The following ADAMTS7 variants were observed in gnomAD, a reference collection of about 807,000 sequenced individuals.
ADAMTS7 encodes A disintegrin and metalloproteinase with thrombospondin motifs 7.
A neutral mutation model predicts 172.6 loss-of-function variants in ADAMTS7; 89 were observed. The observed-to-expected ratio is 0.52, with a 90% confidence interval of 0.43 to 0.61. ADAMTS7 has a LOEUF of 0.61. Ranked by LOEUF, ADAMTS7 falls within the 20% of genes least tolerant of loss-of-function variation. The pLI is 0.00. For synonymous variants in ADAMTS7, 885 were observed against 978.4 expected, an observed-to-expected ratio of 0.90 and a Z score of 1.78; for missense variants, 1,973 against 2,355.6, an observed-to-expected ratio of 0.84 and a Z score of 3.36.
At chr15:78,797,912 A>G in intron 3 of ADAMTS7, 36 bp downstream of exon 3, 1 of 1,582,916 alleles carries the variant, frequency 6.3e-7, no homozygotes, top group East Asian at 2.3e-5. Context: ...CCCCAGGCCC[A>G]GCACCCACCC....
At chr15:78,776,516 G>A (rs149836673) in intron 10 of ADAMTS7, 183 bp from the exon 11 acceptor site, 24 of 971,072 alleles carry the variant, frequency 2.5e-5, no homozygotes, top group South Asian at 2.3e-4. Flanking sequence ...GGAGCTGAGC[G>A]GGGAGTAAAA....
rs113290017 is a variant in ADAMTS7, at chr15:78,786,167, T to G, written c.1322+2064A>C. Among the ~76,000 whole-genome samples, 1,085 of 151,898 alleles carry G rather than the reference T, an allele frequency of 7.1e-3. 13 individuals are homozygous for G. Among genetic ancestry groups the G allele is most frequent in the African/African-American group, 0.024 (1,015 of 41,448 alleles). On this transcript the variant is annotated intron_variant, in intron 8 of 23. Coordinates refer to ENST00000388820, the MANE Select transcript of ADAMTS7 (RefSeq NM_014272.5). ...CTTGTCTCGAACTCCTGACCTCAAG[T>G]GATCCACCTGCCTCAGCCTCCCAAA...
intron 11 of ADAMTS7, 61 bp downstream of exon 11, chr15:78,776,127 C>T (rs1162606654): frequency 4.6e-6 from 7 of 1,534,414 alleles, no homozygotes; most frequent in South Asian, 3.7e-5. Flanking sequence ...CTCCTGCAAT[C>T]GGCTGACTGT....
At position 78,798,091 on chromosome 15, in the gene ADAMTS7, T is replaced by C; in HGVS notation, c.479A>G (p.Asn160Ser). The C allele has an allele frequency of 6.4e-7, 1 of 1,559,970 alleles. No individual in the cohort carries two copies. Among genetic ancestry groups the C allele is most frequent in the South Asian group, 1.2e-5 (1 of 83,422 alleles). Residue 160 changes from asparagine to serine, a missense_variant, in exon 3 of 24, where the codon AAC becomes AGC. By Grantham distance (46) the Asn-to-Ser change is conservative. Transcript: ENST00000388820. ...CAGGGGCTCAATGAAGTAGTCCTCG[T>C]TGGAGAGCTGGAACACACCTTTCTG... Reference protein sequence around the residue: ...DGLKGVFQLSNEDYFIEPLDS... With the variant: ...DGLKGVFQLSSEDYFIEPLDS...
In ADAMTS7 at chr15:78,771,873, G is replaced by T. The variant is rs376009721; in HGVS notation, c.2132-44C>A. 11 of 1,584,884 alleles carry T rather than the reference G, an allele frequency of 6.9e-6. No homozygotes were observed. In the African/African-American group the frequency reaches 1.2e-4, roughly 17 times the overall value. On this transcript the variant is annotated intron_variant, in intron 14 of 23. Coordinates refer to ENST00000388820, the MANE Select transcript of ADAMTS7 (RefSeq NM_014272.5). The surrounding 1 kb of genome is among the most constrained non-coding windows in gnomAD (Gnocchi z 4.9). ...GCATAGGTTGTGCCCAGGGTGAGAG[G>T]GTTGCTTATCCCCACCCGCTCCCCT...
chr15:78,808,161 C>G (rs921165876), intron 1 of ADAMTS7, among the ~76,000 whole-genome samples: 2 of 152,128 alleles, frequency 1.3e-5, no homozygotes, highest in African/African-American at 4.8e-5. Flanking sequence ...TGGTCTAAAA[C>G]ATGTTTTTCA....
chr15:78,783,292 CAG>C (rs1213687157), intron 8 of ADAMTS7, among the ~76,000 whole-genome samples: 5 of 152,120 alleles, frequency 3.3e-5, no homozygotes, highest in South Asian at 4.1e-4. Context: ...TTTTTTGAGA[CAG>C]AGTCTCTCTC....
intron 4 of ADAMTS7, among the ~76,000 whole-genome samples, chr15:78,793,839 G>T (rs1385831776): frequency 1.3e-5 from 2 of 152,194 alleles, no homozygotes; most frequent in Non-Finnish European, 1.5e-5. Flanking sequence ...CAGGTTAAGG[G>T]GCACAGGGGA....
Position 78,771,506 on chromosome 15 carries a change from G to T in ADAMTS7, c.2376+79C>A. On this transcript the variant is annotated intron_variant, in intron 15 of 23. Coordinates refer to ENST00000388820, the MANE Select transcript of ADAMTS7 (RefSeq NM_014272.5). This position sits in a 1 kb window ranked among gnomAD's most constrained non-coding sequence, Gnocchi z 4.9. ...ACTGAACCAGGGCTCACTCCTCCAGGACGAGACCTGCCATGGAGGGTGCTG... is the reference window on the plus strand; with the variant it reads ...ACTGAACCAGGGCTCACTCCTCCAGTACGAGACCTGCCATGGAGGGTGCTG... The T allele has an allele frequency of 6.5e-7, 1 of 1,543,314 alleles. No homozygotes were observed.
At position 78,790,659 on chromosome 15, in the gene ADAMTS7, G is replaced by A. The variant is rs368200211; in HGVS notation, c.1028+11C>T. 2.8e-4 allele frequency: 456 copies of A among 1,613,014 alleles called. No homozygotes were observed. In the African/African-American group the frequency reaches 5.5e-3, roughly 19 times the overall value. The stretch of plus-strand genomic sequence containing the variant: ...GAGATGCAGGCTCCCACCCTCCTGC[G>A]GCTGCAGTACCTGGTGAGCAGGATG... On this transcript the variant is annotated intron_variant, in intron 6 of 23. Coordinates refer to ENST00000388820, the MANE Select transcript of ADAMTS7 (RefSeq NM_014272.5).
intron 8 of ADAMTS7, among the ~76,000 whole-genome samples, 191 bp from the exon 9 acceptor site, chr15:78,777,779 C>G (rs142800186): frequency 0.019 from 2,846 of 151,860 alleles, 61 homozygotes; most frequent in East Asian, 0.087. Flanking sequence ...CCCGGCCTCT[C>G]TCATCTCACC....
At chr15:78,762,221 A>G (rs2055056121) in intron 23 of ADAMTS7, 182 bp downstream of exon 23, 1 of 743,212 alleles carries the variant, frequency 1.3e-6, no homozygotes. Context: ...CTCCCAGCAC[A>G]GCCCAGCCTC....
chr15:78,771,235 G>C lies in ADAMTS7; in HGVS notation c.2445C>G (p.His815Gln). 6.2e-7 allele frequency: 1 copy of C among 1,612,124 alleles called. No homozygotes were observed. The highest frequency in any genetic ancestry group is 8.5e-7 in the Non-Finnish European group (1 of 1,179,644). Reference protein sequence around the residue: ...EYTIHREAGGHDEVPPPVFSW... With the variant: ...EYTIHREAGGQDEVPPPVFSW... Reference sequence around the variant, plus strand: ...AGAACACGGGCGGCGGGACCTCGTCGTGGCCACCTGCCTCCCTGTGGATGG... The same window carrying C: ...AGAACACGGGCGGCGGGACCTCGTCCTGGCCACCTGCCTCCCTGTGGATGG... The change falls in exon 16 of 24, where the codon CAC (histidine) becomes CAG (glutamine). Residue 815 changes from histidine (H) to glutamine (Q), a missense_variant. His to Gln is a conservative substitution (Grantham distance 24). Coordinates refer to ENST00000388820, the MANE Select transcript of ADAMTS7 (RefSeq NM_014272.5). The surrounding 1 kb of genome is among the most constrained non-coding windows in gnomAD (Gnocchi z 4.9).
At chr15:78,795,729 G>A (rs1214839333) in intron 4 of ADAMTS7, among the ~76,000 whole-genome samples, 2 of 152,224 alleles carry the variant, frequency 1.3e-5, no homozygotes, top group East Asian at 3.8e-4. Flanking sequence ...CCAACCAGGT[G>A]GCTGCTAAGA....
In ADAMTS7 at chr15:78,764,003, C is replaced by G; in HGVS notation, c.4516G>C (p.Gly1506Arg). ...RPLRPFHCQP[G>R]PAKPPAHRPC... is the part of the protein sequence containing the mutation. Reference sequence around the variant, plus strand: ...CGGTGCGCAGGCGGCTTGGCAGGCCCGGGCTGACAATGGAAGGGCCGCAGT... The same window carrying G: ...CGGTGCGCAGGCGGCTTGGCAGGCCGGGGCTGACAATGGAAGGGCCGCAGT... The change falls in exon 21 of 24, where the codon GGG becomes CGG. Residue 1506 changes from glycine to arginine, a missense_variant. By Grantham distance (125) the Gly-to-Arg change is moderately radical (BLOSUM62 -2). Around this residue, in one of 8 missense-constraint regions of ADAMTS7, gnomAD observed 218 missense variants for 216.9 expected, o/e 1.01. Coordinates refer to ENST00000388820, the MANE Select transcript of ADAMTS7 (RefSeq NM_014272.5). 1.3e-6 allele frequency: 2 copies of G among 1,543,644 alleles called. No homozygotes were observed. Among genetic ancestry groups the G allele is most frequent in the South Asian group, 1.2e-5 (1 of 82,974 alleles).
rs1423293649 is a variant in ADAMTS7, at chr15:78,766,799, G to C, written c.3112C>G (p.Pro1038Ala). The change falls in exon 19 of 24, where the codon CCA (proline) becomes GCA (alanine). Residue 1038 changes from proline to alanine, a missense_variant. This residue lies in a region of ADAMTS7 where 771 missense variants were observed against 952.6 expected (regional missense o/e 0.81). Transcript: ENST00000388820. ...PRPSPASSPK[P>A]GTMGNAIEEE... ...TCAATGGCGTTGCCCATGGTGCCTG[G>C]CTTGGGTGATGAGGCGGGTGAAGGG... 10 of 1,610,578 alleles carry C rather than the reference G, an allele frequency of 6.2e-6. No homozygotes were observed. Among genetic ancestry groups the C allele is most frequent in the South Asian group, 1.1e-5 (1 of 90,968 alleles).
chr15:78,777,327 C>T (rs775246583), intron 9 of ADAMTS7, 117 bp downstream of exon 9: 81 of 1,381,058 alleles, frequency 5.9e-5, no homozygotes, highest in South Asian at 1.1e-4. Context: ...CACTCAGGGG[C>T]GCAGCCCAGG....
At position 78,765,713 on chromosome 15, in the gene ADAMTS7, C is replaced by T; in HGVS notation, c.4198G>A (p.Glu1400Lys). The stretch of plus-strand genomic sequence containing the variant: ...AACGGGTCCGCGGGGGGCCCCGCTT[C>T]AGCCAGGCTGGGAGCCAGCGGCTGG... ...ETQPLAPSLAEAGPPADPLVV... is the reference protein window; with the variant it reads ...ETQPLAPSLAKAGPPADPLVV... Residue 1400 changes from glutamate to lysine, a missense_variant, in exon 19 of 24, where the codon GAA becomes AAA. Coordinates refer to ENST00000388820, the MANE Select transcript of ADAMTS7 (RefSeq NM_014272.5). The T allele has an allele frequency of 6.2e-7, 1 of 1,610,688 alleles. No individual in the cohort carries two copies. The highest frequency in any genetic ancestry group is 8.5e-7 in the Non-Finnish European group (1 of 1,179,784).
intron 1 of ADAMTS7, among the ~76,000 whole-genome samples, chr15:78,802,021 AG>A (rs1390709240): frequency 1.3e-5 from 2 of 150,702 alleles, no homozygotes; most frequent in Non-Finnish European, 3.0e-5. Flanking sequence ...TTTTTTGTAG[AG>A]ATGGGAGTTT....
Sources: allele counts gnomAD v4.1 joint callset (sites outside exome capture counted in the v4.1 genomes callset), GRCh38; gene constraint gnomAD v4.1.1; regional missense constraint gnomAD v4.1.1; non-coding constraint Gnocchi (gnomAD v3.1); transcripts MANE v1.5; gene names NCBI Gene and HGNC (gene_info 2026-07-23, HGNC 2026-07-21).